MYOM1: variants seen among roughly 807,000 people sequenced by gnomAD.
MYOM1 encodes myomesin 1.
Under a neutral mutation model 205.3 loss-of-function variants are expected in MYOM1, and 164 were observed. That is an observed-to-expected ratio of 0.80 (90% CI 0.70 to 0.91). The LOEUF is 0.91. MYOM1 is among the 40% of genes least tolerant of loss of function. The probability of loss-of-function intolerance (pLI) is 0.00; values close to 1 mark genes in which losing one functional copy is unlikely to be tolerated. For synonymous variants in MYOM1, 772 were observed against 789.4 expected (o/e 0.98, Z 0.37); for missense variants, 2,011 against 2,127.3 (o/e 0.95, Z 1.08).
chr18:3,077,014 GTT>G (rs1308689052), intron 34 of MYOM1, among the ~76,000 whole-genome samples: 2 of 135,252 alleles, frequency 1.5e-5, no homozygotes, highest in Admixed American at 7.4e-5. Context: ...TCCCAGCCTT[GTT>G]TTTTTTTTTT....
chr18:3,166,749 C>A (rs8094441), intron 9 of MYOM1, among the ~76,000 whole-genome samples: 27,360 of 152,032 alleles, frequency 0.18, 2,640 homozygotes, highest in East Asian at 0.37. Context: ...AAGGCATTAT[C>A]ATTTACTACT....
At chr18:3,081,831 G>A (rs964382099) in intron 33 of MYOM1, among the ~76,000 whole-genome samples, 16 of 152,156 alleles carry the variant, frequency 1.1e-4, no homozygotes, top group African/African-American at 3.9e-4. Context: ...TAATACTAAC[G>A]AAAACACTGT....
At chr18:3,200,234 C>A (rs778782052) in intron 2 of MYOM1, among the ~76,000 whole-genome samples, 1 of 152,080 alleles carries the variant, frequency 6.6e-6, no homozygotes, top group Non-Finnish European at 1.5e-5. Flanking sequence ...AATACAGCAA[C>A]AACACACTCT....
intron 25 of MYOM1, among the ~76,000 whole-genome samples, chr18:3,098,334 G>C (rs899658799): frequency 1.3e-5 from 2 of 152,074 alleles, no homozygotes; most frequent in African/African-American, 2.4e-5. Context: ...CTGGAGTGCA[G>C]TGGCACGATC....
At chr18:3,098,744 T>C (rs1227600072) in intron 25 of MYOM1, among the ~76,000 whole-genome samples, 1 of 152,240 alleles carries the variant, frequency 6.6e-6, no homozygotes, top group Admixed American at 6.5e-5. Context: ...TACACTTTAG[T>C]ACTTTCCATA....
At chr18:3,109,335 G>A (rs2079494203) in intron 22 of MYOM1, among the ~76,000 whole-genome samples, 1 of 152,108 alleles carries the variant, frequency 6.6e-6, no homozygotes. Flanking sequence ...CCAGAGCTGA[G>A]CTCCTATCAA....
chr18:3,228,234 C>T, the MYOM1 span, among the ~76,000 whole-genome samples: 6 of 152,212 alleles, frequency 3.9e-5, no homozygotes, highest in Non-Finnish European at 7.4e-5. This position sits in a 1 kb window ranked among gnomAD's most constrained non-coding sequence, Gnocchi z 4.5. Context: ...GACTTTAGAG[C>T]ACCTGAATAT....
the MYOM1 span, among the ~76,000 whole-genome samples, chr18:3,237,624 G>GAAAAAAAAAAAAAAAAAAAAAAAAAA: frequency 7.2e-6 from 1 of 138,018 alleles, no homozygotes. Flanking sequence ...AAAAAAAAAG[G>GAAAAAAAAAAAAAAAAAAAAAAAAAA]AAATACATTC....
chr18:3,211,795 C>G (rs935074169), intron 2 of MYOM1, among the ~76,000 whole-genome samples: 5 of 152,200 alleles, frequency 3.3e-5, no homozygotes, highest in Non-Finnish European at 5.9e-5. Flanking sequence ...TAAGGTCAGC[C>G]AAGCCCTGAG....
Position 3,126,603 on chromosome 18 carries a change from G to A in MYOM1, c.2991+98C>T, listed in dbSNP as rs759488247. 97 of 1,046,370 alleles carry A rather than the reference G, an allele frequency of 9.3e-5. 1 individual carries two copies. In the South Asian group the frequency reaches 1.4e-3, roughly 15 times the overall value. 64.8% of individuals were successfully genotyped at this position (1,046,370 alleles called of 1,614,324 possible). ...AGACAATGGACTCTGGAGAAATGAC[G>A]TGACTCTCTTACAAGGTGCTGGGTG... On this transcript the variant is annotated intron_variant, in intron 19 of 37. Coordinates refer to ENST00000356443, the MANE Select transcript of MYOM1 (RefSeq NM_003803.4).
the MYOM1 span, among the ~76,000 whole-genome samples, chr18:3,236,883 A>G: frequency 6.6e-6 from 1 of 152,188 alleles, no homozygotes; most frequent in Non-Finnish European, 1.5e-5. Flanking sequence ...GAATTGGCAA[A>G]GGAGACTGAA....
chr18:3,122,915 G>C (rs763227986), intron 19 of MYOM1, among the ~76,000 whole-genome samples: 10 of 152,150 alleles, frequency 6.6e-5, no homozygotes, highest in Admixed American at 2.6e-4. Flanking sequence ...ACACAATACA[G>C]TATTTAATGG....
intron 13 of MYOM1, among the ~76,000 whole-genome samples, chr18:3,147,506 CAG>C (rs1225346218): frequency 6.6e-6 from 1 of 151,766 alleles, no homozygotes; most frequent in Admixed American, 6.6e-5. Flanking sequence ...AATGTAAAGA[CAG>C]AATAGCTGAA....
At chr18:3,083,731 C>G (rs2079116169) in intron 33 of MYOM1, 58 bp downstream of exon 33, 1 of 1,372,288 alleles carries the variant, frequency 7.3e-7, no homozygotes, top group African/African-American at 1.4e-5. Flanking sequence ...CAGGTGTGAG[C>G]TGCCGCGCCT....
chr18:3,244,324 A>T, the MYOM1 span, among the ~76,000 whole-genome samples: 1 of 152,202 alleles, frequency 6.6e-6, no homozygotes, highest in Non-Finnish European at 1.5e-5. Context: ...ATTAAATGAC[A>T]TAGAATTTGC....
intron 33 of MYOM1, among the ~76,000 whole-genome samples, chr18:3,083,064 T>C (rs1376439731): frequency 6.6e-6 from 1 of 152,132 alleles, no homozygotes; most frequent in Non-Finnish European, 1.5e-5. Flanking sequence ...ACCGTGTGTA[T>C]AGAAAGAAAG....
At chr18:3,230,533 A>G in the MYOM1 span, among the ~76,000 whole-genome samples, 1 of 152,208 alleles carries the variant, frequency 6.6e-6, no homozygotes, top group Non-Finnish European at 1.5e-5. Context: ...ATAACTTTGT[A>G]ACTTCACTTC....
At chr18:3,150,123 G>C (rs751540155) in intron 12 of MYOM1, among the ~76,000 whole-genome samples, 1 of 152,012 alleles carries the variant, frequency 6.6e-6, no homozygotes, top group African/African-American at 2.4e-5. Context: ...GCAGTGGCGC[G>C]ATCTCAGCTC....
intron 13 of MYOM1, 34 bp from the exon 14 acceptor site, chr18:3,142,097 A>T: frequency 6.2e-7 from 1 of 1,609,770 alleles, no homozygotes; most frequent in Non-Finnish European, 8.5e-7. Context: ...AGAAGCACAC[A>T]TTCTGGGTAG....
Sources: gnomAD v4.1 joint callset for allele counts (sites outside exome capture counted in the v4.1 genomes callset) on GRCh38, gnomAD v4.1.1 for gene constraint, Gnocchi (gnomAD v3.1) non-coding constraint, MANE v1.5 for transcripts, NCBI Gene and HGNC (gene_info 2026-07-23, HGNC 2026-07-21) for gene names.